The following ZFHX3 variants were observed in gnomAD, a reference collection of about 807,000 sequenced individuals.
The protein encoded by ZFHX3 is zinc finger homeobox 3, also known as zinc finger homeobox protein 3.
ZFHX3 carries 42 observed loss-of-function variants against 279.1 expected under a neutral mutation model. The ratio of observed to expected loss-of-function variants is 0.15; its 90% CI spans 0.12 to 0.19. ZFHX3 has a LOEUF of 0.19. Among genes scored for constraint, ZFHX3 ranks in the 10% least tolerant of loss-of-function variants. The pLI, the probability that ZFHX3 is intolerant of heterozygous loss-of-function variation, is 1.00. For missense variants in ZFHX3, 4,981 were observed against 4,754.0 expected (o/e 1.05, Z -1.40); for synonymous variants, 2,293 against 1,957.8 (o/e 1.17, Z -4.52).
chr16:73,227,848 CAAAAA>C (rs398029895), intron 5 of ZFHX3, among the ~76,000 whole-genome samples: 1 of 46,042 alleles, frequency 2.2e-5, no homozygotes. Flanking sequence ...GATTCTGTCT[CAAAAA>C]AAAAAAAAAA....
intron 1 of ZFHX3, among the ~76,000 whole-genome samples, chr16:72,991,059 T>C (rs554852609): frequency 3.2e-4 from 45 of 139,524 alleles, no homozygotes; most frequent in African/African-American, 1.1e-3. Context: ...TAGTATGTAC[T>C]GTATAGCATT....
chr16:73,603,311 GA>G (rs1299362006), intron 2 of ZFHX3, among the ~76,000 whole-genome samples: 2 of 150,340 alleles, frequency 1.3e-5, no homozygotes, highest in African/African-American at 2.5e-5. Flanking sequence ...GAAAAGAAAA[GA>G]AAAAAAGAAA....
intron 1 of ZFHX3, among the ~76,000 whole-genome samples, chr16:73,791,039 A>G (rs1959808208): frequency 6.6e-6 from 1 of 151,828 alleles, no homozygotes; most frequent in Admixed American, 6.6e-5. Context: ...ATCACAGCTC[A>G]CTGTAACCTC....
At chr16:73,790,265 CTTTTT>C (rs745914414) in intron 1 of ZFHX3, among the ~76,000 whole-genome samples, 2 of 137,676 alleles carry the variant, frequency 1.5e-5, no homozygotes, top group African/African-American at 5.3e-5. Context: ...AAGGGAGTGT[CTTTTT>C]TTTTTTTTCA....
chr16:72,953,280 A>C (rs901996248), intron 2 of ZFHX3, among the ~76,000 whole-genome samples: 2 of 148,914 alleles, frequency 1.3e-5, no homozygotes, highest in Non-Finnish European at 3.0e-5. Flanking sequence ...GATAAGAAAG[A>C]AAAACAGAAA....
At chr16:73,619,281 G>C (rs949075929) in intron 2 of ZFHX3, among the ~76,000 whole-genome samples, 1 of 151,944 alleles carries the variant, frequency 6.6e-6, no homozygotes, top group Non-Finnish European at 1.5e-5. Context: ...GAGGTCAGGA[G>C]ATCGAGACCA....
chr16:73,823,400 T>C (rs539766264), intron 1 of ZFHX3, among the ~76,000 whole-genome samples: 4 of 152,106 alleles, frequency 2.6e-5, no homozygotes, highest in African/African-American at 7.2e-5. Context: ...ACAGCATCAA[T>C]GACAGATGAA....
chr16:72,998,548 C>T (rs1963374630), intron 1 of ZFHX3, among the ~76,000 whole-genome samples: 2 of 152,206 alleles, frequency 1.3e-5, no homozygotes, highest in Admixed American at 1.3e-4. Flanking sequence ...TCCTACTAAG[C>T]CTGGGAAAAC....
chr16:73,626,190 T>C (rs1234018959), intron 2 of ZFHX3, among the ~76,000 whole-genome samples: 1 of 152,178 alleles, frequency 6.6e-6, no homozygotes, highest in Non-Finnish European at 1.5e-5. Context: ...AACATAGGAC[T>C]ACATAATAAA....
rs779086395 is a variant in ZFHX3 at position 72,950,764 on chromosome 16, T to C, written c.2921A>G (p.Asp974Gly). The C allele has an allele frequency of 6.2e-7, 1 of 1,614,188 alleles. No individual in the cohort carries two copies. Among genetic ancestry groups the C allele is most frequent in the Admixed American group, 1.7e-5 (1 of 60,018 alleles). The change falls in exon 3 of 10, where the codon GAC (aspartate) becomes GGC (glycine). Residue 974 changes from aspartate to glycine, a missense_variant. Transcript: ENST00000268489. ...GTCCCCCATCACCGCCTTCCACTCG[T>C]CCTCCGACAGGCTGCGCTCCACGTT... The part of the protein sequence containing the change: ...HMNVERSLSE[D>G]EWKAVMGDSY...
At chr16:73,008,240 A>C (rs2144615607) in intron 1 of ZFHX3, among the ~76,000 whole-genome samples, 1 of 152,320 alleles carries the variant, frequency 6.6e-6, no homozygotes, top group Non-Finnish European at 1.5e-5. Context: ...AACTTTGGTA[A>C]TAACCCATAC....
At chr16:73,822,904 A>C (rs1283625721) in intron 1 of ZFHX3, among the ~76,000 whole-genome samples, 2 of 152,222 alleles carry the variant, frequency 1.3e-5, no homozygotes, top group Non-Finnish European at 2.9e-5. Flanking sequence ...TAAGTAAATG[A>C]GTGAATGAGT....
intron 6 of ZFHX3, among the ~76,000 whole-genome samples, chr16:73,139,838 G>A (rs1224345516): frequency 6.6e-6 from 1 of 152,218 alleles, no homozygotes; most frequent in Non-Finnish European, 1.5e-5. Context: ...TAGGGAATAT[G>A]AAGAAAAGTT....
At chr16:73,232,110 C>T (rs2012793597) in intron 5 of ZFHX3, 1 of 152,148 alleles carries the variant, frequency 6.6e-6, no homozygotes, top group Non-Finnish European at 1.5e-5. Context: ...ATACAGGACC[C>T]CCTCCTCACA....
intron 1 of ZFHX3, among the ~76,000 whole-genome samples, chr16:73,798,500 T>C (rs1318785077): frequency 6.6e-6 from 1 of 151,786 alleles, no homozygotes; most frequent in African/African-American, 2.4e-5. Context: ...ACCCAAACCA[T>C]AAAAGGACCC....
Position 72,958,148 on chromosome 16 carries a change from G to A in ZFHX3, c.1998C>T (p.Asn666=), listed in dbSNP as rs758092157. 1 of 1,614,168 alleles carries A rather than the reference G, an allele frequency of 6.2e-7. No homozygotes were observed. Among genetic ancestry groups the A allele is most frequent in the East Asian group, 2.2e-5 (1 of 44,866 alleles). Reference sequence around the variant, plus strand: ...TGGGGCACTTGAGTGTCTTACACGAGTTACGAGAATGCATCATGGTCATGT... The same window carrying A: ...TGGGGCACTTGAGTGTCTTACACGAATTACGAGAATGCATCATGGTCATGT... ...GGHMTMMHSR[N]SCKTLKCPKC... is the part of the protein sequence containing the mutation. The change falls in exon 2 of 10, where the codon AAC becomes AAT. Residue 666 remains asparagine (N), a synonymous_variant. Coordinates refer to ENST00000268489, the MANE Select transcript of ZFHX3 (RefSeq NM_006885.4).
chr16:72,993,941 G>A (rs976362649), intron 1 of ZFHX3, among the ~76,000 whole-genome samples: 4 of 152,054 alleles, frequency 2.6e-5, no homozygotes, highest in Non-Finnish European at 5.9e-5. Flanking sequence ...AGCAGCAGCC[G>A]AGTGCACTAA....
chr16:72,965,301 T>C (rs996077899), intron 1 of ZFHX3, among the ~76,000 whole-genome samples: 1 of 152,204 alleles, frequency 6.6e-6, no homozygotes, highest in Non-Finnish European at 1.5e-5. Flanking sequence ...GGACTGCTCA[T>C]GCAAAAGAAC....
chr16:73,070,930 GCGCGCGCGCACA>G (rs1237201698), intron 8 of ZFHX3, among the ~76,000 whole-genome samples: 6 of 26,936 alleles, frequency 2.2e-4, no homozygotes, highest in Non-Finnish European at 2.6e-4. Flanking sequence ...GCGCGCGCGC[GCGCGCGCGCACA>G]CACACACACA....
Sources: gnomAD v4.1 joint callset for allele counts (sites outside exome capture counted in the v4.1 genomes callset) on GRCh38, gnomAD v4.1.1 for gene constraint, MANE v1.5 for transcripts, NCBI Gene and HGNC (gene_info 2026-07-23, HGNC 2026-07-21) for gene names.